PRRC2B: variants seen among roughly 807,000 people sequenced by gnomAD.
PRRC2B encodes proline rich coiled-coil 2B.
A neutral mutation model predicts 242.3 loss-of-function variants in PRRC2B; 68 were observed. That is an observed-to-expected ratio of 0.28 (90% CI 0.23 to 0.34). The LOEUF is 0.34. Among genes scored for constraint, PRRC2B ranks in the 10% least tolerant of loss-of-function variants. The probability of loss-of-function intolerance (pLI) is 1.00; values close to 1 mark genes in which losing one functional copy is unlikely to be tolerated. For missense variants in PRRC2B, 2,835 were observed against 2,954.8 expected (o/e 0.96, Z 0.94); for synonymous variants, 1,228 against 1,173.6 (o/e 1.05, Z -0.95).
chr9:131,466,068 CAG>C (rs1174888342), intron 12 of PRRC2B, among the ~76,000 whole-genome samples: 2 of 152,224 alleles, frequency 1.3e-5, no homozygotes, highest in Non-Finnish European at 2.9e-5. Context: ...CTCTATAATG[CAG>C]AGTGTCTCTT....
intron 1 of PRRC2B, among the ~76,000 whole-genome samples, chr9:131,420,476 T>C (rs1050035147): frequency 6.9e-4 from 9 of 13,022 alleles, no homozygotes; most frequent in African/African-American, 1.3e-3. Context: ...TTTCTTTCTT[T>C]CTTTCTTTCT....
intron 1 of PRRC2B, among the ~76,000 whole-genome samples, chr9:131,422,570 G>A (rs568041052): frequency 1.3e-5 from 2 of 152,238 alleles, no homozygotes; most frequent in African/African-American, 4.8e-5. Context: ...CAGTGCCCTG[G>A]TCAGGCATCT....
intron 1 of PRRC2B, among the ~76,000 whole-genome samples, chr9:131,401,866 G>A (rs777717734): frequency 6.6e-6 from 1 of 151,718 alleles, no homozygotes; most frequent in East Asian, 1.9e-4. Flanking sequence ...TCACCATGTT[G>A]GCCAGGCTGG....
chr9:131,416,502 C>T (rs1837658026), intron 1 of PRRC2B, among the ~76,000 whole-genome samples: 1 of 152,144 alleles, frequency 6.6e-6, no homozygotes, highest in Admixed American at 6.5e-5. Flanking sequence ...AGTTTGCCCC[C>T]ATTAAACACA....
rs539172410 is a variant in PRRC2B at position 131,496,628 on chromosome 9, G to GA, written c.*754_*755insA. On this transcript the variant is annotated 3_prime_UTR_variant, in exon 32 of 32. Transcript: ENST00000683519. ...TCAGAGCAGCAGGCAGGTTGGGGGAGGGGGGGGGTCATAGTTGGGTTCCAG... is the reference window on the plus strand; with the variant it reads ...TCAGAGCAGCAGGCAGGTTGGGGGAGAGGGGGGGGTCATAGTTGGGTTCCAG... 1.3e-5 allele frequency: 1 copy of GA among 75,588 alleles called. No homozygotes were observed. Among genetic ancestry groups the GA allele is most frequent in the Non-Finnish European group, 3.0e-5 (1 of 33,640 alleles). The allele number at this position is 75,588 out of a possible 1,614,324, so 4.7% of individuals were successfully genotyped here.
At chr9:131,414,539 C>A (rs1028602679) in intron 1 of PRRC2B, among the ~76,000 whole-genome samples, 1 of 150,290 alleles carries the variant, frequency 6.7e-6, no homozygotes, top group African/African-American at 2.4e-5. Flanking sequence ...AGGACTGTTG[C>A]CCCTCTGGCC....
chr9:131,436,509 G>T (rs1328810915), intron 3 of PRRC2B, 111 bp from the exon 4 acceptor site: 6 of 746,366 alleles, frequency 8.0e-6, no homozygotes, highest in Admixed American at 7.7e-5. Flanking sequence ...TTATTGGCCA[G>T]AGGAGGTCTG....
Position 131,440,296 on chromosome 9 carries a change from G to C in PRRC2B, c.469+1235G>C, listed in dbSNP as rs370591508. Among the ~76,000 whole-genome samples the C allele has an allele frequency of 8.5e-5, 13 of 152,166 alleles. 1 individual carries two copies. The East Asian group carries it at 1.5e-3, about 18-fold the overall frequency. Reference sequence around the variant, plus strand: ...TTTCCATATCTTATATTTCTGTAAGGTTAGAATTTTTTGTTTTGTTTTTGT... The same window carrying C: ...TTTCCATATCTTATATTTCTGTAAGCTTAGAATTTTTTGTTTTGTTTTTGT... On this transcript the variant is annotated intron_variant, in intron 5 of 31. Transcript: ENST00000683519.
intron 1 of PRRC2B, among the ~76,000 whole-genome samples, chr9:131,425,545 G>A (rs1837954463): frequency 6.6e-6 from 1 of 152,066 alleles, no homozygotes; most frequent in African/African-American, 2.4e-5. Context: ...CTGGCGTGCA[G>A]TGGCGCGATC....
rs183049638 is a variant in PRRC2B at position 131,472,508 on chromosome 9, G to T, written c.2108-1000G>T. On this transcript the variant is annotated intron_variant, in intron 14 of 31. Transcript: ENST00000683519. ...TTTTTTTTTTTTGAGACAGAGTCTT[G>T]CTCTGTCACCCAGGCTGGAGTGCAG... Among the ~76,000 whole-genome samples the T allele has an allele frequency of 3.4e-3, 386 of 113,540 alleles. 3 individuals are homozygous for T. Among genetic ancestry groups the T allele is most frequent in the African/African-American group, 0.013 (364 of 28,428 alleles). 74.5% of individuals were successfully genotyped at this position (113,540 alleles called of 152,430 possible).
At chr9:131,461,406 A>T (rs1180340386) in intron 11 of PRRC2B, among the ~76,000 whole-genome samples, 2 of 152,146 alleles carry the variant, frequency 1.3e-5, no homozygotes, top group Non-Finnish European at 2.9e-5. Flanking sequence ...ACTCCCTGGC[A>T]CCAGGCTCCT....
chr9:131,381,632 G>A (rs186372287), intron 1 of PRRC2B, among the ~76,000 whole-genome samples: 102 of 152,142 alleles, frequency 6.7e-4, no homozygotes, highest in East Asian at 6.0e-3. Context: ...TGTTAGCCAG[G>A]ATGGTCTTGA....
At chr9:131,483,073 T>C (rs890488108) in intron 22 of PRRC2B, among the ~76,000 whole-genome samples, 166 bp downstream of exon 22, 2 of 152,160 alleles carry the variant, frequency 1.3e-5, no homozygotes, top group Admixed American at 6.6e-5. Context: ...ACATGGCCAG[T>C]GCTCTGTTGA....
chr9:131,462,057 T>A (rs1170749167), intron 11 of PRRC2B, among the ~76,000 whole-genome samples: 1 of 152,204 alleles, frequency 6.6e-6, no homozygotes, highest in Admixed American at 6.5e-5. Flanking sequence ...TATTCCTTTT[T>A]TTTTCCTTTT....
At chr9:131,401,017 A>C (rs1837214340) in intron 1 of PRRC2B, among the ~76,000 whole-genome samples, 1 of 149,692 alleles carries the variant, frequency 6.7e-6, no homozygotes, top group African/African-American at 2.5e-5. Context: ...GCTGGAGAGC[A>C]ATGGCGCGAT....
At chr9:131,381,478 G>C (rs1220391118) in intron 1 of PRRC2B, among the ~76,000 whole-genome samples, 2 of 145,312 alleles carry the variant, frequency 1.4e-5, no homozygotes, top group Non-Finnish European at 3.0e-5. Flanking sequence ...GAGTGCAATG[G>C]TGCGATCTCG....
Position 131,455,165 on chromosome 9 carries a change from T to G in PRRC2B, c.1210T>G (p.Trp404Gly). 2.5e-6 allele frequency: 4 copies of G among 1,611,820 alleles called. No individual in the cohort carries two copies. The highest frequency in any genetic ancestry group is 1.7e-4 in the Middle Eastern group (1 of 6,056). The change falls in exon 10 of 32, where the codon TGG becomes GGG. Residue 404 changes from tryptophan (W) to glycine (G), a missense_variant and splice_region_variant. By Grantham distance (184) the Trp-to-Gly change is radical (BLOSUM62 -2). This residue lies in a region of PRRC2B where 626 missense variants were observed against 685.5 expected (regional missense o/e 0.91). Transcript: ENST00000683519. The part of the protein sequence containing the change: ...EEVVKDGRPK[W>G]NSWDPRRQRQ... The stretch of plus-strand genomic sequence containing the variant: ...AGTTGTGAAGGACGGCAGGCCAAAG[T>G]GGTAAGGACCCGTTCCTGCCCTATC...
At chr9:131,427,614 G>C (rs1260485364) in intron 1 of PRRC2B, among the ~76,000 whole-genome samples, 6 of 151,978 alleles carry the variant, frequency 3.9e-5, no homozygotes, top group Admixed American at 3.3e-4. Context: ...ACAGGAGTGA[G>C]CCACCGCACC....
At position 131,487,928 on chromosome 9, in the gene PRRC2B, G is replaced by T; in HGVS notation, c.6057G>T (p.Lys2019Asn). Residue 2019 changes from lysine (K) to asparagine (N), a missense_variant, in exon 28 of 32, where the codon AAG becomes AAT. Around this residue, in one of 7 missense-constraint regions of PRRC2B, gnomAD observed 574 missense variants for 626.0 expected, o/e 0.92. Coordinates refer to ENST00000683519, the MANE Select transcript of PRRC2B (RefSeq NM_013318.4). The surrounding 1 kb of genome is among the most constrained non-coding windows in gnomAD (Gnocchi z 5.3). ...TMILSGGTALKPPYSAFPGMQ... is the reference protein window; with the variant it reads ...TMILSGGTALNPPYSAFPGMQ... ...TCCTCTCTGGGGGCACAGCCTTGAAGCCTCCATACTCGGCGTTCCCAGGCA... is the reference window on the plus strand; with the variant it reads ...TCCTCTCTGGGGGCACAGCCTTGAATCCTCCATACTCGGCGTTCCCAGGCA... 1 of 1,613,910 alleles carries T rather than the reference G, an allele frequency of 6.2e-7. No individual in the cohort carries two copies. Among genetic ancestry groups the T allele is most frequent in the Non-Finnish European group, 8.5e-7 (1 of 1,179,834 alleles).
Sources: gnomAD v4.1 joint callset for allele counts (sites outside exome capture counted in the v4.1 genomes callset) on GRCh38, gnomAD v4.1.1 for gene constraint, gnomAD v4.1.1 regional missense constraint, Gnocchi (gnomAD v3.1) non-coding constraint, MANE v1.5 for transcripts, NCBI Gene and HGNC (gene_info 2026-07-23, HGNC 2026-07-21) for gene names.